OMA1: variants seen among roughly 807,000 people sequenced by gnomAD.
The protein encoded by OMA1 is OMA1 zinc metallopeptidase.
OMA1 carries 38 observed loss-of-function variants against 30.9 expected under a neutral mutation model. The observed-to-expected ratio is 1.23, with a 90% CI of 0.95 to 1.61. The LOEUF (loss-of-function observed/expected upper bound fraction) is 1.61. Among genes scored for constraint, OMA1 ranks in the 40% most tolerant of loss-of-function variants. The pLI is 0.00. For synonymous variants in OMA1, 173 were observed against 121.9 expected (o/e 1.42, Z -2.76); for missense variants, 461 against 349.2 (o/e 1.32, Z -2.55).
intron 8 of OMA1, among the ~76,000 whole-genome samples, chr1:58,503,739 T>C (rs1016900264): frequency 3.9e-5 from 6 of 152,098 alleles, no homozygotes; most frequent in Admixed American, 3.3e-4. Flanking sequence ...ACCAAATCTG[T>C]TGGAAATTGG....
chr1:58,506,459 A>G (rs17117598), intron 7 of OMA1, among the ~76,000 whole-genome samples: 3,489 of 152,176 alleles, frequency 0.023, 121 homozygotes, highest in African/African-American at 0.079. Flanking sequence ...GTCATTTTCT[A>G]TCATCACTTT....
intron 8 of OMA1, among the ~76,000 whole-genome samples, chr1:58,496,075 A>G (rs1198316888): frequency 2.6e-5 from 4 of 152,230 alleles, no homozygotes; most frequent in Non-Finnish European, 4.4e-5. Context: ...AACCACAATC[A>G]AAGAAATGAA....
chr1:58,490,759 C>CAAGCCAGA (rs1397119200), intron 8 of OMA1, among the ~76,000 whole-genome samples: 1 of 141,388 alleles, frequency 7.1e-6, no homozygotes, highest in Non-Finnish European at 1.5e-5. Flanking sequence ...AGAAACTCTA[C>CAAGCCAGA]AAGCCAGAAG....
chr1:58,485,693 T>C (rs1645565195), intron 8 of OMA1, among the ~76,000 whole-genome samples: 1 of 152,246 alleles, frequency 6.6e-6, no homozygotes, highest in South Asian at 2.1e-4. Flanking sequence ...TCTTATTAAA[T>C]ATATCTTCAT....
chr1:58,530,055 G>C (rs1335829878), intron 6 of OMA1, among the ~76,000 whole-genome samples: 1 of 152,004 alleles, frequency 6.6e-6, no homozygotes, highest in Non-Finnish European at 1.5e-5. Context: ...TAATTTTTTT[G>C]TATTTTTAGT....
intron 7 of OMA1, among the ~76,000 whole-genome samples, chr1:58,506,870 A>T (rs1569912173): frequency 6.6e-6 from 1 of 152,218 alleles, no homozygotes; most frequent in East Asian, 1.9e-4. Context: ...AAAACACAAT[A>T]CCTTATAAAA....
intron 7 of OMA1, among the ~76,000 whole-genome samples, chr1:58,522,837 G>A (rs993296218): frequency 3.3e-5 from 5 of 152,182 alleles, no homozygotes; most frequent in African/African-American, 1.2e-4. Context: ...TATTCATTAA[G>A]TGGAAGTGGA....
chr1:58,495,598 C>G (rs1645786247), intron 8 of OMA1, among the ~76,000 whole-genome samples: 2 of 151,826 alleles, frequency 1.3e-5, no homozygotes, highest in South Asian at 2.1e-4. Context: ...TATATTTTAT[C>G]TAATTCCTGA....
intron 8 of OMA1, among the ~76,000 whole-genome samples, chr1:58,491,919 TA>T (rs1645700218): frequency 6.6e-6 from 1 of 152,178 alleles, no homozygotes; most frequent in Non-Finnish European, 1.5e-5. Flanking sequence ...GTGGACCTAA[TA>T]GACATCTACA....
intron 7 of OMA1, among the ~76,000 whole-genome samples, chr1:58,524,998 T>C (rs1646327507): frequency 6.6e-6 from 1 of 152,136 alleles, no homozygotes; most frequent in Non-Finnish European, 1.5e-5. Flanking sequence ...ACTATAAGAG[T>C]AGTACCATAG....
intron 8 of OMA1, among the ~76,000 whole-genome samples, chr1:58,497,241 G>A (rs961550871): frequency 2.6e-5 from 4 of 152,116 alleles, no homozygotes; most frequent in Admixed American, 2.0e-4. Flanking sequence ...ACAAAAGGGA[G>A]GGGGGTACTG....
At position 58,536,633 on chromosome 1, in the gene OMA1, T is replaced by C; in HGVS notation, c.609A>G (p.Gly203=). The C allele has an allele frequency of 1.1e-6, 1 of 872,802 alleles. No individual in the cohort carries two copies. The highest frequency in any genetic ancestry group is 2.0e-6 in the Non-Finnish European group (1 of 501,620). The allele number at this position is 872,802 out of a possible 1,614,324, so 54.1% of individuals were successfully genotyped here. Residue 203 remains glycine, a synonymous_variant, in exon 3 of 9, where the codon GGA becomes GGG. Coordinates refer to ENST00000371226, the MANE Select transcript of OMA1 (RefSeq NM_145243.5). ...WKLFLGLSSF[G]LLFVVFYFTH... ...TAAAATAAAACACCACAAAGAGCAA[T>C]CCAAAACTACTCAAACCAAGGAATA...
At chr1:58,504,696 G>T (rs1159100112) in intron 8 of OMA1, among the ~76,000 whole-genome samples, 3 of 152,168 alleles carry the variant, frequency 2.0e-5, no homozygotes, top group Non-Finnish European at 4.4e-5. Flanking sequence ...TCTACCTAAT[G>T]AATGAATAAA....
chr1:58,544,664 G>A (rs567327952), intron 1 of OMA1, among the ~76,000 whole-genome samples: 21 of 152,216 alleles, frequency 1.4e-4, no homozygotes, highest in African/African-American at 4.6e-4. Context: ...GTGCCACCTC[G>A]GCTCACTGCA....
intron 5 of OMA1, among the ~76,000 whole-genome samples, chr1:58,532,488 C>T (rs74338635): frequency 6.6e-6 from 1 of 152,118 alleles, no homozygotes; most frequent in Non-Finnish European, 1.5e-5. Context: ...ACTGCTTAGA[C>T]GTATTCTTGT....
chr1:58,497,850 T>C (rs1262531335), intron 8 of OMA1, among the ~76,000 whole-genome samples: 3 of 152,166 alleles, frequency 2.0e-5, no homozygotes, highest in African/African-American at 7.2e-5. Context: ...TTAGTTTCAG[T>C]TGAAGATGGT....
intron 7 of OMA1, among the ~76,000 whole-genome samples, chr1:58,511,662 A>G (rs894035437): frequency 6.6e-6 from 1 of 151,976 alleles, no homozygotes; most frequent in Non-Finnish European, 1.5e-5. Context: ...CAAACCCCAC[A>G]ATGAGGAAAG....
intron 7 of OMA1, among the ~76,000 whole-genome samples, chr1:58,511,779 T>A (rs1646081095): frequency 6.6e-6 from 1 of 152,000 alleles, no homozygotes. Context: ...TAAAAATGGA[T>A]TAAAGATTTA....
At chr1:58,535,891 G>C (rs2100486530) in intron 3 of OMA1, among the ~76,000 whole-genome samples, 1 of 152,082 alleles carries the variant, frequency 6.6e-6, no homozygotes, top group East Asian at 1.9e-4. Flanking sequence ...TATATTACTT[G>C]ATTTTCAAGG....
Sources: gnomAD v4.1 joint callset for allele counts (sites outside exome capture counted in the v4.1 genomes callset) on GRCh38, gnomAD v4.1.1 for gene constraint, MANE v1.5 for transcripts, NCBI Gene and HGNC (gene_info 2026-07-23, HGNC 2026-07-21) for gene names.